FANCA: variants seen among roughly 807,000 people sequenced by gnomAD.
FANCA encodes the protein FA complementation group A.
Under a neutral mutation model 194.3 loss-of-function variants are expected in FANCA, and 236 were observed. The ratio of observed to expected loss-of-function variants is 1.21; its 90% CI spans 1.09 to 1.35. The LOEUF is 1.35. FANCA is among the 40% of genes most tolerant of loss of function. The probability of loss-of-function intolerance (pLI) is 0.00; values close to 1 mark genes in which losing one functional copy is unlikely to be tolerated. For synonymous variants in FANCA, 1,014 were observed against 715.8 expected, an observed-to-expected ratio of 1.42 and a Z score of -6.65; for missense variants, 2,628 against 1,813.9, an observed-to-expected ratio of 1.45 and a Z score of -8.15.
At chr16:89,786,737 A>T (rs2039911301) in intron 14 of FANCA, among the ~76,000 whole-genome samples, 1 of 152,230 alleles carries the variant, frequency 6.6e-6, no homozygotes, top group Non-Finnish European at 1.5e-5. Context: ...GTCACGGAAA[A>T]ACAAAGCTCA....
At chr16:89,807,738 C>A (rs1348492969) in intron 6 of FANCA, among the ~76,000 whole-genome samples, 2 of 152,064 alleles carry the variant, frequency 1.3e-5, no homozygotes, top group Non-Finnish European at 2.9e-5. Context: ...CAAAAATTAG[C>A]CAGGCGTGGT....
At chr16:89,798,532 T>C in intron 10 of FANCA, 1 of 1,106,856 alleles carries the variant, frequency 9.0e-7, no homozygotes, top group Non-Finnish European at 1.1e-6. Flanking sequence ...TCTCAAGACT[T>C]CACTTCAAGG....
chr16:89,754,185 G>A (rs2038693097), intron 30 of FANCA, among the ~76,000 whole-genome samples: 1 of 151,198 alleles, frequency 6.6e-6, no homozygotes, highest in Admixed American at 6.6e-5. Context: ...TTGCACCACT[G>A]CACTCCAGCC....
At chr16:89,782,111 C>G (rs2039733859) in intron 17 of FANCA, among the ~76,000 whole-genome samples, 1 of 151,904 alleles carries the variant, frequency 6.6e-6, no homozygotes, top group Admixed American at 6.6e-5. Flanking sequence ...AGCAGTGGCT[C>G]ACACCTATAA....
Position 89,777,499 on chromosome 16 carries a change from G to C in FANCA, c.1826+1302C>G, listed in dbSNP as rs185523352. ...CCAGCACTTTGGGAGGCCGAGGTGG[G>C]TGGATCACAAGATCAGGAGTTTGAG... On this transcript the variant is annotated intron_variant, in intron 20 of 42. Coordinates refer to ENST00000389301, the MANE Select transcript of FANCA (RefSeq NM_000135.4). Among the ~76,000 whole-genome samples the C allele has an allele frequency of 2.6e-3, 392 of 152,060 alleles. 3 individuals are homozygous for C. The highest frequency in any genetic ancestry group is 8.9e-3 in the African/African-American group (371 of 41,486).
At chr16:89,778,387 A>C in intron 20 of FANCA, 2 of 378,452 alleles carry the variant, frequency 5.3e-6, no homozygotes, top group South Asian at 3.8e-5. Flanking sequence ...AATTGCTCCA[A>C]CCCAGGAGGC....
chr16:89,763,711 G>A (rs566087399), intron 28 of FANCA, among the ~76,000 whole-genome samples: 1 of 151,058 alleles, frequency 6.6e-6, no homozygotes, highest in East Asian at 2.0e-4. Context: ...GGCCAAGGCG[G>A]GCAGATCACG....
intron 20 of FANCA, among the ~76,000 whole-genome samples, chr16:89,777,826 C>T (rs1052573787): frequency 6.6e-6 from 1 of 151,974 alleles, no homozygotes; most frequent in African/African-American, 2.4e-5. Context: ...TTCAGTTCTC[C>T]TCTCTGCACA....
rs776297241 is a variant in FANCA at position 89,816,548 on chromosome 16, G to A, written c.68C>T (p.Ala23Val). The change falls in exon 1 of 43, where the codon GCC (alanine) becomes GTC (valine). Residue 23 changes from alanine to valine, a missense_variant. Ala to Val is a moderately conservative substitution (Grantham distance 64, BLOSUM62 0). Coordinates refer to ENST00000389301, the MANE Select transcript of FANCA (RefSeq NM_000135.4). ...CCGCGCCCACCTACCCAGCAGCTCG[G>A]CCCAGGCCCTCCGGCGGCCCCCTGG... ...QDPGGRRRAW[A>V]ELLAGRVKRE... 6.6e-6 allele frequency: 10 copies of A among 1,507,742 alleles called. No homozygotes were observed. The highest frequency in any genetic ancestry group is 2.9e-5 in the African/African-American group (2 of 69,110). 93.4% of individuals were successfully genotyped at this position (1,507,742 alleles called of 1,614,324 possible).
intron 7 of FANCA, 119 bp downstream of exon 7, chr16:89,805,161 G>A: frequency 1.3e-6 from 1 of 773,218 alleles, no homozygotes. Context: ...TGTCATGCCA[G>A]GTTCCCACGG....
At chr16:89,796,478 G>C (rs923302941) in intron 10 of FANCA, among the ~76,000 whole-genome samples, 3 of 152,180 alleles carry the variant, frequency 2.0e-5, no homozygotes, top group African/African-American at 7.2e-5. Context: ...CAGGGACTGA[G>C]GCCAGCTCTG....
intron 23 of FANCA, 95 bp downstream of exon 23, chr16:89,771,583 A>C: frequency 6.9e-7 from 1 of 1,455,994 alleles, no homozygotes; most frequent in Non-Finnish European, 9.6e-7. Flanking sequence ...TGAGCAAGTC[A>C]AACAGAAATT....
Position 89,770,462 on chromosome 16 carries a change from C to T in FANCA, c.2222+102G>A. 2.5e-6 allele frequency: 3 copies of T among 1,189,258 alleles called. 1 individual carries two copies. Among genetic ancestry groups the T allele is most frequent in the Non-Finnish European group, 3.7e-6 (3 of 818,306 alleles). The allele number at this position is 1,189,258 out of a possible 1,614,324, so 73.7% of individuals were successfully genotyped here. A position where few individuals can be genotyped will look rare whatever the true frequency, so the allele number is the denominator to read the frequency against. ...ATGAAACTCAGCATCGCCGCATGCT[C>T]CTGCGGAGACGAGCTCATGAGTCCC... is the stretch of plus-strand genomic sequence containing the variant. On this transcript the variant is annotated intron_variant, in intron 24 of 42. Coordinates refer to ENST00000389301, the MANE Select transcript of FANCA (RefSeq NM_000135.4).
At chr16:89,759,381 G>C (rs1442762382) in intron 29 of FANCA, among the ~76,000 whole-genome samples, 2 of 144,440 alleles carry the variant, frequency 1.4e-5, no homozygotes, top group Non-Finnish European at 3.0e-5. Context: ...GGGCACCTGA[G>C]CTACTCACAG....
intron 6 of FANCA, among the ~76,000 whole-genome samples, chr16:89,806,430 G>A (rs1397856586): frequency 6.6e-6 from 1 of 150,866 alleles, no homozygotes; most frequent in Admixed American, 6.6e-5. Flanking sequence ...GACAATGGTG[G>A]AGGGAAGGTC....
In FANCA at chr16:89,792,354, C is replaced by T. The variant is rs2040104730; in HGVS notation, c.1083+117G>A. 4 of 1,149,126 alleles carry T rather than the reference C, an allele frequency of 3.5e-6. No individual in the cohort carries two copies. In the Admixed American group the frequency reaches 6.8e-5, roughly 20 times the overall value. 71.2% of individuals were successfully genotyped at this position (1,149,126 alleles called of 1,614,324 possible). On this transcript the variant is annotated intron_variant, in intron 12 of 42. Transcript: ENST00000389301. ...CTTGATGAGGACAGCCACATCTCAC[C>T]AGACATCCCTGAACCTCTCGATGTG... is the stretch of plus-strand genomic sequence containing the variant.
intron 3 of FANCA, among the ~76,000 whole-genome samples, chr16:89,811,429 T>C (rs1205565460): frequency 6.6e-6 from 1 of 152,228 alleles, no homozygotes; most frequent in Non-Finnish European, 1.5e-5. Flanking sequence ...TTCAATTACA[T>C]TGTTTTTCTA....
In FANCA at chr16:89,737,918, C is replaced by G; in HGVS notation, c.*683G>C. ...CCAAGCCTTTGCAGTAAGTGTGAGT[C>G]AGGACCCCCTCCCAGGGCTGTGGCC... On this transcript the variant is annotated 3_prime_UTR_variant, in exon 43 of 43. Coordinates refer to ENST00000389301, the MANE Select transcript of FANCA (RefSeq NM_000135.4). 12 of 1,565,080 alleles carry G rather than the reference C, an allele frequency of 7.7e-6. No homozygotes were observed. The highest frequency in any genetic ancestry group is 5.6e-5 in the South Asian group (5 of 89,054).
chr16:89,783,154 C>G, intron 15 of FANCA, 52 bp from the exon 16 acceptor site: 1 of 1,379,100 alleles, frequency 7.3e-7, no homozygotes, highest in Non-Finnish European at 1.0e-6. Flanking sequence ...CTGCCTGGGA[C>G]TCCAGGGAGG....
Sources: gnomAD v4.1 joint callset for allele counts (sites outside exome capture counted in the v4.1 genomes callset) on GRCh38, gnomAD v4.1.1 for gene constraint, MANE v1.5 for transcripts, NCBI Gene and HGNC (gene_info 2026-07-23, HGNC 2026-07-21) for gene names.